Variants in NAV3 observed in about 807,000 individuals in gnomAD.
The protein encoded by NAV3 is neuron navigator 3, also known as pore membrane and/or filament interacting like protein 1.
A neutral mutation model predicts 244.7 loss-of-function variants in NAV3; 87 were observed. That is an observed-to-expected ratio of 0.36 (90% CI 0.30 to 0.42). The LOEUF is 0.42. NAV3 is among the 20% of genes least tolerant of loss of function. The pLI, the probability that NAV3 is intolerant of heterozygous loss-of-function variation, is 1.00. For missense variants in NAV3, 2,663 were observed against 2,893.3 expected (o/e 0.92, Z 1.83); for synonymous variants, 1,126 against 1,042.2 (o/e 1.08, Z -1.55).
chr12:77,752,211 T>A (rs1868891729), intron 2 of NAV3, among the ~76,000 whole-genome samples: 1 of 152,194 alleles, frequency 6.6e-6, no homozygotes, highest in Non-Finnish European at 1.5e-5. Context: ...TTACTTTGAC[T>A]TTTGTTCTTA....
At chr12:78,020,647 G>A (rs1876996761) in intron 8 of NAV3, among the ~76,000 whole-genome samples, 1 of 152,060 alleles carries the variant, frequency 6.6e-6, no homozygotes, top group African/African-American at 2.4e-5. Flanking sequence ...AGGACTGTCA[G>A]TTAAATATTG....
intron 12 of NAV3, among the ~76,000 whole-genome samples, chr12:78,107,868 A>G (rs1954884958): frequency 6.6e-6 from 1 of 152,146 alleles, no homozygotes; most frequent in African/African-American, 2.4e-5. Flanking sequence ...AGAGAAATCT[A>G]ACTAACCACA....
At chr12:77,988,316 C>A (rs1359273043) in intron 5 of NAV3, among the ~76,000 whole-genome samples, 2 of 152,126 alleles carry the variant, frequency 1.3e-5, no homozygotes, top group Non-Finnish European at 2.9e-5. Context: ...AAATGTGTAA[C>A]CACAGATTCG....
intron 9 of NAV3, among the ~76,000 whole-genome samples, chr12:78,024,269 A>G (rs897749226): frequency 6.6e-6 from 1 of 152,180 alleles, no homozygotes; most frequent in South Asian, 2.1e-4. Context: ...ACCTGGTTAC[A>G]TTTAAATCTC....
intron 5 of NAV3, among the ~76,000 whole-genome samples, chr12:77,970,332 T>A (rs1892892690): frequency 6.6e-6 from 1 of 152,098 alleles, no homozygotes; most frequent in South Asian, 2.1e-4. Context: ...TGTTCCAAAG[T>A]ACATTTATGG....
chr12:78,211,809 A>T lies in NAV3; in HGVS notation c.*1292A>T, dbSNP rs1960903085. 1 of 152,560 alleles carries T rather than the reference A, an allele frequency of 6.6e-6. No individual in the cohort carries two copies. The highest frequency in any genetic ancestry group is 2.4e-5 in the African/African-American group (1 of 41,438). 9.5% of individuals were successfully genotyped at this position (152,560 alleles called of 1,614,324 possible). ...GTTGTACATGAGAAATTCAGCATTA[A>T]AGAACACTGAAGCGGTAAGGTCACT... is the stretch of plus-strand genomic sequence containing the variant. On this transcript the variant is annotated 3_prime_UTR_variant, in exon 40 of 40. Coordinates refer to ENST00000397909, the MANE Select transcript of NAV3 (RefSeq NM_001024383.2).
chr12:77,813,743 C>T (rs1014902955), intron 2 of NAV3, among the ~76,000 whole-genome samples: 7 of 152,088 alleles, frequency 4.6e-5, no homozygotes, highest in African/African-American at 1.7e-4. Context: ...ACCACACAGT[C>T]GGCATTAGAT....
chr12:78,007,965 T>C (rs1047773863), intron 8 of NAV3, among the ~76,000 whole-genome samples: 1 of 152,216 alleles, frequency 6.6e-6, no homozygotes, highest in Non-Finnish European at 1.5e-5. Context: ...TAACATTCTT[T>C]AGTCTCATTT....
At chr12:78,154,733 C>T (rs1243345387) in intron 22 of NAV3, among the ~76,000 whole-genome samples, 4 of 151,740 alleles carry the variant, frequency 2.6e-5, no homozygotes, top group Admixed American at 2.0e-4. Context: ...AAATCAGAAC[C>T]AAATAAACTG....
At position 78,007,389 on chromosome 12, in the gene NAV3, T is replaced by C. The variant is rs1874421290; in HGVS notation, c.1851T>C (p.Pro617=). 1 of 1,613,940 alleles carries C rather than the reference T, an allele frequency of 6.2e-7. No individual in the cohort carries two copies. The highest frequency in any genetic ancestry group is 1.3e-5 in the African/African-American group (1 of 74,872). ...CAGGAAATGGTGCTGTCCAACTCCC[T>C]CAACAGCAGCAACATAGCCACCCGA... The part of the protein sequence containing the change: ...QSTGNGAVQL[P]QQQQHSHPNT... Residue 617 remains proline, a synonymous_variant, in exon 8 of 40, where the codon CCT becomes CCC. Coordinates refer to ENST00000397909, the MANE Select transcript of NAV3 (RefSeq NM_001024383.2).
At chr12:78,096,035 A>T (rs924769066) in intron 12 of NAV3, among the ~76,000 whole-genome samples, 4 of 152,162 alleles carry the variant, frequency 2.6e-5, no homozygotes, top group African/African-American at 9.7e-5. Flanking sequence ...TGATCCTATT[A>T]TTTTGACTCA....
intron 12 of NAV3, among the ~76,000 whole-genome samples, chr12:78,076,845 A>G (rs1233247476): frequency 6.6e-6 from 1 of 152,196 alleles, no homozygotes; most frequent in Non-Finnish European, 1.5e-5. Flanking sequence ...TGCTTAAGAA[A>G]TTCAAGGCTT....
chr12:78,195,784 C>A (rs1168000342), intron 34 of NAV3, among the ~76,000 whole-genome samples: 2 of 152,000 alleles, frequency 1.3e-5, no homozygotes, highest in African/African-American at 4.8e-5. Context: ...AATCTCTTCC[C>A]TTGACTTCTC....
intron 1 of NAV3, among the ~76,000 whole-genome samples, chr12:77,914,886 C>T (rs899741235): frequency 1.3e-5 from 2 of 149,260 alleles, no homozygotes; most frequent in African/African-American, 4.9e-5. Flanking sequence ...TGCCTAATGC[C>T]TGTGTTTTGG....
chr12:78,157,778 T>C (rs956558049), intron 22 of NAV3, among the ~76,000 whole-genome samples: 1 of 150,886 alleles, frequency 6.6e-6, no homozygotes, highest in African/African-American at 2.4e-5. Flanking sequence ...AGAGTGGGTG[T>C]GTTTGTGTGA....
chr12:77,698,097 A>G (rs894892321), intron 2 of NAV3, among the ~76,000 whole-genome samples: 23 of 152,132 alleles, frequency 1.5e-4, no homozygotes, highest in African/African-American at 4.3e-4. Flanking sequence ...AGAATGTGGT[A>G]TCTAAAGGCG....
At chr12:78,166,946 C>T (rs1366500473) in intron 23 of NAV3, among the ~76,000 whole-genome samples, 1 of 151,590 alleles carries the variant, frequency 6.6e-6, no homozygotes, top group Non-Finnish European at 1.5e-5. Context: ...AGGATAAAAA[C>T]CTGATTTTAA....
chr12:78,162,618 C>A (rs553777031), intron 23 of NAV3, among the ~76,000 whole-genome samples: 2 of 151,478 alleles, frequency 1.3e-5, no homozygotes, highest in South Asian at 2.1e-4. Context: ...AATCCTAGCA[C>A]TTTGAAAGGC....
chr12:77,727,624 A>G (rs990988585), intron 2 of NAV3, among the ~76,000 whole-genome samples: 1 of 152,020 alleles, frequency 6.6e-6, no homozygotes, highest in African/African-American at 2.4e-5. Flanking sequence ...CACATTGTTC[A>G]GTAGAGTTTA....
Sources: allele counts gnomAD v4.1 joint callset (sites outside exome capture counted in the v4.1 genomes callset), GRCh38; gene constraint gnomAD v4.1.1; transcripts MANE v1.5; gene names NCBI Gene and HGNC (gene_info 2026-07-23, HGNC 2026-07-21).